Variants in DSCAML1 observed in about 807,000 individuals in gnomAD.
DSCAML1 encodes cell adhesion molecule DSCAML1.
DSCAML1 carries 38 observed loss-of-function variants against 200.5 expected under a neutral mutation model. The observed-to-expected ratio is 0.19, with a 90% CI of 0.15 to 0.25. The LOEUF is 0.25. Among genes scored for constraint, DSCAML1 ranks in the 10% least tolerant of loss-of-function variants. DSCAML1 has a pLI of 1.00. For synonymous variants in DSCAML1, 1,215 were observed against 1,165.0 expected, an observed-to-expected ratio of 1.04 and a Z score of -0.87; for missense variants, 2,223 against 2,858.8, an observed-to-expected ratio of 0.78 and a Z score of 5.07.
In DSCAML1 at chr11:117,674,116, A is replaced by G. The variant is rs1343948729; in HGVS notation, c.511+102675T>C. On this transcript the variant is annotated intron_variant, in intron 3 of 32. Coordinates refer to ENST00000651296, the MANE Select transcript of DSCAML1 (RefSeq NM_020693.4). ...AAGTGCAGCACTTATATCCAAAGCA[A>G]CTTACGTTGCCGGTACTAGTTTAGA... is the stretch of plus-strand genomic sequence containing the variant. 2.0e-5 allele frequency among the ~76,000 whole-genome samples: 3 copies of G among 152,180 alleles called. No homozygotes were observed. In the East Asian group the frequency reaches 5.8e-4, roughly 29 times the overall value.
chr11:117,739,645 C>T (rs551891779), intron 3 of DSCAML1, among the ~76,000 whole-genome samples: 1 of 152,322 alleles, frequency 6.6e-6, no homozygotes, highest in South Asian at 2.1e-4. Context: ...GGACTCTGTG[C>T]ATGGTTATTC....
chr11:117,479,205 C>T (rs576459267), intron 14 of DSCAML1, among the ~76,000 whole-genome samples: 38 of 152,332 alleles, frequency 2.5e-4, no homozygotes, highest in African/African-American at 8.4e-4. Flanking sequence ...TGGCCACTGC[C>T]GTGCTAAGTG....
intron 3 of DSCAML1, among the ~76,000 whole-genome samples, chr11:117,690,699 C>T (rs564037124): frequency 1.3e-5 from 2 of 152,334 alleles, no homozygotes; most frequent in African/African-American, 4.8e-5. Flanking sequence ...GGCAGGGGAC[C>T]TGGGATCTTG....
chr11:117,758,299 C>CAAA (rs376046918), intron 3 of DSCAML1, among the ~76,000 whole-genome samples: 1 of 127,916 alleles, frequency 7.8e-6, no homozygotes, highest in South Asian at 2.6e-4. Flanking sequence ...GACTCCATCT[C>CAAA]AAAAAAAAAA....
chr11:117,696,267 C>A (rs541869557), intron 3 of DSCAML1, among the ~76,000 whole-genome samples: 9 of 152,130 alleles, frequency 5.9e-5, no homozygotes, highest in Non-Finnish European at 1.3e-4. Flanking sequence ...CTGGTTCCCC[C>A]CTGGGGGCTT....
chr11:117,630,556 G>A (rs7950396), intron 3 of DSCAML1, among the ~76,000 whole-genome samples: 15,219 of 150,354 alleles, frequency 0.1, 879 homozygotes, highest in East Asian at 0.21. Flanking sequence ...AGGTCTTGCC[G>A]GAGCTCTGTG....
At position 117,812,675 on chromosome 11, in the gene DSCAML1, T is replaced by G. The variant is rs1210939870; in HGVS notation, c.-250+4715A>C. Among the ~76,000 whole-genome samples the G allele has an allele frequency of 2.0e-5, 3 of 151,378 alleles. No individual in the cohort carries two copies. In the East Asian group the frequency reaches 5.8e-4, roughly 29 times the overall value. The stretch of plus-strand genomic sequence containing the variant: ...CCCATTACTTCAGTCAAGCCCAAAT[T>G]TCATCCTCATCTGTTACCTATCTCG... On this transcript the variant is annotated intron_variant, in intron 1 of 2. Transcript: ENST00000525836.
In DSCAML1 at chr11:117,524,915, A is replaced by G; in HGVS notation, c.827T>C (p.Ile276Thr). 6.2e-7 allele frequency: 1 copy of G among 1,613,668 alleles called. No individual in the cohort carries two copies. Among genetic ancestry groups the G allele is most frequent in the Non-Finnish European group, 8.5e-7 (1 of 1,179,896 alleles). ...LPADSRWTKR[I>T]TGLTISDLRT... The stretch of plus-strand genomic sequence containing the variant: ...CAAGTCGCTGATGGTCAGCCCTGTG[A>G]TGCGCTTGGTCCAGCGGCTGTCAGC... Residue 276 changes from isoleucine to threonine, a missense_variant, in exon 5 of 33, where the codon ATC (isoleucine) becomes ACC (threonine). Ile to Thr is a moderately conservative substitution (Grantham distance 89, BLOSUM62 -1). Transcript: ENST00000651296.
intron 3 of DSCAML1, among the ~76,000 whole-genome samples, chr11:117,553,590 C>T (rs956376545): frequency 5.9e-5 from 9 of 152,172 alleles, no homozygotes; most frequent in Admixed American, 2.0e-4. Flanking sequence ...ACCTCATTCC[C>T]ATGAGGATAG....
chr11:117,669,875 G>A (rs1310999586), intron 3 of DSCAML1, among the ~76,000 whole-genome samples: 1 of 152,206 alleles, frequency 6.6e-6, no homozygotes, highest in African/African-American at 2.4e-5. Flanking sequence ...TGAGCAACGG[G>A]GCCTGTGGCA....
intron 11 of DSCAML1, among the ~76,000 whole-genome samples, chr11:117,490,953 G>A (rs1428386402): frequency 6.6e-6 from 1 of 152,214 alleles, no homozygotes; most frequent in African/African-American, 2.4e-5. Context: ...AGAACGGTGA[G>A]TCTGGCCTTC....
At chr11:117,634,515 G>A (rs1349911109) in intron 3 of DSCAML1, among the ~76,000 whole-genome samples, 1 of 152,208 alleles carries the variant, frequency 6.6e-6, no homozygotes, top group Non-Finnish European at 1.5e-5. Flanking sequence ...AACACATGCT[G>A]CAAGATGTGG....
intron 3 of DSCAML1, among the ~76,000 whole-genome samples, chr11:117,623,690 G>A (rs1228272239): frequency 6.6e-6 from 1 of 152,202 alleles, no homozygotes; most frequent in African/African-American, 2.4e-5. Context: ...CTCATCATAT[G>A]GTTATAAAGA....
chr11:117,790,048 C>G (rs778251727), intron 1 of DSCAML1, among the ~76,000 whole-genome samples: 8 of 152,218 alleles, frequency 5.3e-5, no homozygotes, highest in Non-Finnish European at 1.0e-4. Flanking sequence ...TCTCCCACCC[C>G]CAACGCAGGG....
intron 3 of DSCAML1, among the ~76,000 whole-genome samples, chr11:117,564,429 C>T (rs2050717947): frequency 6.6e-6 from 1 of 152,202 alleles, no homozygotes; most frequent in Non-Finnish European, 1.5e-5. Flanking sequence ...CATTGCTCTG[C>T]TCTGGAACAA....
In DSCAML1 at chr11:117,462,305, C is replaced by T. The variant is rs192472887; in HGVS notation, c.3266-709G>A. ...GCTTCTCCCGCCAGTCACACTCTCCCTCTGAGAGCCACCTTTGAGTTTAAG... is the reference window on the plus strand; with the variant it reads ...GCTTCTCCCGCCAGTCACACTCTCCTTCTGAGAGCCACCTTTGAGTTTAAG... On this transcript the variant is annotated intron_variant, in intron 17 of 32. Coordinates refer to ENST00000651296, the MANE Select transcript of DSCAML1 (RefSeq NM_020693.4). 2.4e-3 allele frequency among the ~76,000 whole-genome samples: 353 copies of T among 145,690 alleles called. 2 individuals are homozygous for T. The highest frequency in any genetic ancestry group is 9.4e-3 in the African/African-American group (332 of 35,390).
chr11:117,730,661 G>A (rs971400687), intron 3 of DSCAML1, among the ~76,000 whole-genome samples: 2 of 152,178 alleles, frequency 1.3e-5, no homozygotes, highest in Non-Finnish European at 2.9e-5. Context: ...TCCTTAAGAG[G>A]TTAAACAGCA....
At chr11:117,725,060 A>G (rs2137804091) in intron 3 of DSCAML1, among the ~76,000 whole-genome samples, 1 of 152,308 alleles carries the variant, frequency 6.6e-6, no homozygotes, top group Non-Finnish European at 1.5e-5. Context: ...AATGGCTAAG[A>G]TGCTTTCTGG....
chr11:117,547,651 G>T (rs373032516), intron 3 of DSCAML1, among the ~76,000 whole-genome samples: 1 of 152,202 alleles, frequency 6.6e-6, no homozygotes, highest in Non-Finnish European at 1.5e-5. Flanking sequence ...CACCCCGCGT[G>T]CTATAAAGGC....
Sources: gnomAD v4.1 joint callset for allele counts (sites outside exome capture counted in the v4.1 genomes callset) on GRCh38, gnomAD v4.1.1 for gene constraint, MANE v1.5 for transcripts, NCBI Gene and HGNC (gene_info 2026-07-23, HGNC 2026-07-21) for gene names.